Variants in SGSM3 observed in about 807,000 individuals in gnomAD.
SGSM3 encodes RUN and SH3 containing 3.
A neutral mutation model predicts 100.5 loss-of-function variants in SGSM3; 96 were observed. The ratio of observed to expected loss-of-function variants is 0.96; its 90% confidence interval spans 0.81 to 1.13. The LOEUF (loss-of-function observed/expected upper bound fraction) is 1.13. Ranked by LOEUF, SGSM3 falls within the 50% of genes most tolerant of loss-of-function variation. The pLI, the probability that SGSM3 is intolerant of heterozygous loss-of-function variation, is 0.00. For missense variants in SGSM3, 1,001 were observed against 1,015.8 expected, an observed-to-expected ratio of 0.99 and a Z score of 0.20; for synonymous variants, 483 against 422.8, an observed-to-expected ratio of 1.14 and a Z score of -1.75.
rs2048683491 is a variant in SGSM3 at position 40,387,569 on chromosome 22, T to C, written c.-111-13127T>C. The C allele has an allele frequency of 1.6e-5, 3 of 190,444 alleles. No individual in the cohort carries two copies. The East Asian group carries it at 3.5e-4, about 23-fold the overall frequency. The allele number at this position is 190,444 out of a possible 1,614,324, so 11.8% of individuals were successfully genotyped here. A position where few individuals can be genotyped will look rare whatever the true frequency, so the allele number is the denominator to read the frequency against. On this transcript the variant is annotated intron_variant, in intron 1 of 21. Coordinates refer to ENST00000248929, the MANE Select transcript of SGSM3 (RefSeq NM_015705.6). ...TTTGCCAGTCAGCCCTTAAGGAGCT[T>C]TATTTTCCTCAAAAACTCTTGTCTG...
At chr22:40,390,062 T>C (rs1177177756) in intron 1 of SGSM3, among the ~76,000 whole-genome samples, 6 of 152,150 alleles carry the variant, frequency 3.9e-5, no homozygotes, top group Admixed American at 2.0e-4. Flanking sequence ...TCATTGGCCA[T>C]TTCACAGATA....
chr22:40,400,471 C>T (rs1239381256), intron 1 of SGSM3, among the ~76,000 whole-genome samples: 1 of 151,902 alleles, frequency 6.6e-6, no homozygotes, highest in Non-Finnish European at 1.5e-5. Context: ...GGTGAAACCC[C>T]GTCTCTACTA....
chr22:40,389,916 GAAA>G (rs34606137), intron 1 of SGSM3, among the ~76,000 whole-genome samples: 1 of 104,936 alleles, frequency 9.5e-6, no homozygotes, highest in African/African-American at 3.6e-5. Context: ...AAAAAAAAAA[GAAA>G]AAAAAAAAAA....
rs1176336699 is a variant in SGSM3, at chr22:40,378,511, T to G, written c.-112+7823T>G. Among the ~76,000 whole-genome samples the G allele has an allele frequency of 9.2e-5, 14 of 151,820 alleles. No individual in the cohort carries two copies. In the East Asian group the frequency reaches 1.9e-3, roughly 21 times the overall value. ...TGGGAGGCTAAGGCGGGCAGATCAC[T>G]TGAAGGTGGGAGTTCGAGACCAACC... On this transcript the variant is annotated intron_variant, in intron 1 of 21. Transcript: ENST00000248929.
At chr22:40,406,834 G>T in intron 10 of SGSM3, 172 bp downstream of exon 10, 1 of 848,598 alleles carries the variant, frequency 1.2e-6, no homozygotes, top group Non-Finnish European at 1.9e-6. Flanking sequence ...CTCAGGCTTT[G>T]TGCACCTCAG....
In SGSM3 at chr22:40,376,056, G is replaced by GA. The variant is rs375491013; in HGVS notation, c.-112+5379dup. On this transcript the variant is annotated intron_variant, in intron 1 of 21. Coordinates refer to ENST00000248929, the MANE Select transcript of SGSM3 (RefSeq NM_015705.6). The stretch of plus-strand genomic sequence containing the variant: ...AGGGAGACCCTGTCTCAAAAAACTG[G>GA]AAAAAAAAAAACAAGATATGAAAGA... Among the ~76,000 whole-genome samples the GA allele has an allele frequency of 2.6e-3, 356 of 138,658 alleles. 1 individual carries two copies. The highest frequency in any genetic ancestry group is 3.8e-3 in the Middle Eastern group (1 of 264). The allele number at this position is 138,658 out of a possible 152,430, so 91.0% of individuals were successfully genotyped here.
intron 1 of SGSM3, chr22:40,373,288 T>G (rs1366688457): frequency 6.6e-6 from 1 of 152,232 alleles, no homozygotes; most frequent in Non-Finnish European, 1.5e-5. Flanking sequence ...ATATGAAACT[T>G]TCCTGTGATC....
chr22:40,372,490 A>C (rs1003286982), intron 1 of SGSM3, among the ~76,000 whole-genome samples: 2 of 152,094 alleles, frequency 1.3e-5, no homozygotes, highest in African/African-American at 4.8e-5. Context: ...GTGTCTATTG[A>C]TCAGATATGG....
chr22:40,404,745 G>C (rs2051224054), intron 6 of SGSM3, 81 bp downstream of exon 6: 3 of 988,124 alleles, frequency 3.0e-6, no homozygotes, highest in Admixed American at 2.0e-5. Flanking sequence ...GGGGTTCTTA[G>C]AGTGTGCCCT....
At chr22:40,386,726 G>GT (rs2048525645) in intron 1 of SGSM3, among the ~76,000 whole-genome samples, 1 of 151,654 alleles carries the variant, frequency 6.6e-6, no homozygotes, top group Non-Finnish European at 1.5e-5. Flanking sequence ...CTGGCCCCTA[G>GT]TTTCTTTTTT....
rs992537893 is a variant in SGSM3 at position 40,409,274 on chromosome 22, G to A, written c.2013G>A (p.Leu671=). The A allele has an allele frequency of 3.4e-5, 55 of 1,611,042 alleles. No individual in the cohort carries two copies. The highest frequency in any genetic ancestry group is 4.2e-5 in the Non-Finnish European group (50 of 1,179,642). ...GLNEQVLHLW[L]EVLCSSLPTV... Reference sequence around the variant, plus strand: ...GTGAGCAGGTGCTGCACCTGTGGCTGGAGGTGCTCTGCTCCAGCCTGCCCA... The same window carrying A: ...GTGAGCAGGTGCTGCACCTGTGGCTAGAGGTGCTCTGCTCCAGCCTGCCCA... Residue 671 remains leucine, a synonymous_variant, in exon 20 of 22, where the codon CTG becomes CTA. Coordinates refer to ENST00000248929, the MANE Select transcript of SGSM3 (RefSeq NM_015705.6).
intron 1 of SGSM3, among the ~76,000 whole-genome samples, chr22:40,396,616 A>G (rs950480817): frequency 1.3e-5 from 2 of 150,098 alleles, no homozygotes; most frequent in Non-Finnish European, 3.0e-5. Context: ...AAAAAAAAAA[A>G]GAAGTATTTT....
intron 1 of SGSM3, chr22:40,387,132 C>A: frequency 2.5e-6 from 1 of 398,094 alleles, no homozygotes; most frequent in Non-Finnish European, 4.4e-6. Flanking sequence ...CAGTCCTTTG[C>A]TGAGGTGTAA....
In SGSM3 at chr22:40,408,947, G is replaced by A; in HGVS notation, c.1917G>A (p.Val639=). ...GCCGTTCCCAGGCTGTGCAGTCTGT[G>A]AACGTGACCCACGATGCAGTGCATG... is the stretch of plus-strand genomic sequence containing the variant. ...EELLYRAVQS[V]NVTHDAVHAQ... The change falls in exon 19 of 22, where the codon GTG becomes GTA. Residue 639 remains valine, a synonymous_variant. Transcript: ENST00000248929. The A allele has an allele frequency of 1.2e-6, 2 of 1,610,950 alleles. No individual in the cohort carries two copies. The highest frequency in any genetic ancestry group is 1.7e-6 in the Non-Finnish European group (2 of 1,178,580).
chr22:40,384,301 C>G (rs914954312), intron 1 of SGSM3, among the ~76,000 whole-genome samples: 2 of 151,990 alleles, frequency 1.3e-5, no homozygotes, highest in African/African-American at 2.4e-5. Flanking sequence ...ACCTTAGGAT[C>G]TGAATGTCTT....
In SGSM3 at chr22:40,406,539, C is replaced by T. The variant is rs2051552135; in HGVS notation, c.1062C>T (p.Ala354=). ...MEDAELLLGV[A]MRLAGSLTDV... ...ACGCGGAGCTGCTTCTGGGGGTGGCCATGCGGCTGGCCGGCTCCCTCACCG... is the reference window on the plus strand; with the variant it reads ...ACGCGGAGCTGCTTCTGGGGGTGGCTATGCGGCTGGCCGGCTCCCTCACCG... The change falls in exon 10 of 22, where the codon GCC becomes GCT. Residue 354 remains alanine, a synonymous_variant. Transcript: ENST00000248929. The T allele has an allele frequency of 6.2e-7, 1 of 1,613,134 alleles. No homozygotes were observed. Among genetic ancestry groups the T allele is most frequent in the Non-Finnish European group, 8.5e-7 (1 of 1,179,928 alleles).
chr22:40,406,404 C>A, intron 9 of SGSM3, 34 bp from the exon 10 acceptor site: 2 of 1,529,512 alleles, frequency 1.3e-6, no homozygotes, highest in African/African-American at 1.4e-5. Flanking sequence ...GCAATGACAA[C>A]CTTCTTCCCC....
chr22:40,397,465 A>G (rs1410405930), intron 1 of SGSM3, among the ~76,000 whole-genome samples: 1 of 152,096 alleles, frequency 6.6e-6, no homozygotes, highest in East Asian at 1.9e-4. Flanking sequence ...CCACCATAGG[A>G]AAGTCAACAT....
intron 1 of SGSM3, among the ~76,000 whole-genome samples, chr22:40,372,474 G>A (rs2045776208): frequency 6.6e-6 from 1 of 152,080 alleles, no homozygotes; most frequent in Non-Finnish European, 1.5e-5. Context: ...GAGGGGAGAG[G>A]GTGAGGTGTC....
Sources: allele counts gnomAD v4.1 joint callset (sites outside exome capture counted in the v4.1 genomes callset), GRCh38; gene constraint gnomAD v4.1.1; transcripts MANE v1.5; gene names NCBI Gene and HGNC (gene_info 2026-07-23, HGNC 2026-07-21).